Variants in COL25A1 observed in about 807,000 individuals in gnomAD.
The protein encoded by COL25A1 is collagen type XXV alpha 1 chain.
In COL25A1, 103 loss-of-function variants were observed where a neutral mutation model predicts 128.4. The observed-to-expected ratio is 0.80, with a 90% CI of 0.68 to 0.94. The LOEUF (loss-of-function observed/expected upper bound fraction) is 0.94. COL25A1 is among the 40% of genes least tolerant of loss of function. COL25A1 has a pLI of 0.00. For missense variants in COL25A1, 745 were observed against 840.0 expected, an observed-to-expected ratio of 0.89 and a Z score of 1.40; for synonymous variants, 279 against 277.2, an observed-to-expected ratio of 1.01 and a Z score of -0.06.
At chr4:108,872,078 T>C (rs139836677) in intron 19 of COL25A1, among the ~76,000 whole-genome samples, 1 of 152,348 alleles carries the variant, frequency 6.6e-6, no homozygotes, top group African/African-American at 2.4e-5. Context: ...GAAGACATTA[T>C]TTGCCTTTTT....
intron 10 of COL25A1, among the ~76,000 whole-genome samples, 156 bp from the exon 11 acceptor site, chr4:108,937,999 C>A (rs746937142): frequency 1.3e-5 from 2 of 152,046 alleles, no homozygotes; most frequent in Non-Finnish European, 2.9e-5. Flanking sequence ...AGCTAATTTC[C>A]CTTCTACAAA....
At chr4:109,260,402 A>G (rs1387372686) in intron 3 of COL25A1, among the ~76,000 whole-genome samples, 1 of 152,186 alleles carries the variant, frequency 6.6e-6, no homozygotes, top group African/African-American at 2.4e-5. Context: ...ACTCATACAA[A>G]TAACTATTAT....
Position 109,210,085 on chromosome 4 carries a change from T to C in COL25A1, c.367+90498A>G, listed in dbSNP as rs111702703. 9.0e-3 allele frequency among the ~76,000 whole-genome samples: 1,364 copies of C among 151,112 alleles called. 17 individuals carry two copies. The highest frequency in any genetic ancestry group is 0.022 in the African/African-American group (926 of 41,164). On this transcript the variant is annotated intron_variant, in intron 3 of 37. Coordinates refer to ENST00000399132, the MANE Select transcript of COL25A1 (RefSeq NM_198721.4). ...AAAAAGTAAACATCAAAATTCAGTATATGGTTCTTGTTAGGTATTAATTTC... is the reference window on the plus strand; with the variant it reads ...AAAAAGTAAACATCAAAATTCAGTACATGGTTCTTGTTAGGTATTAATTTC...
intron 13 of COL25A1, among the ~76,000 whole-genome samples, chr4:108,906,796 T>C (rs1743579421): frequency 6.6e-6 from 1 of 152,188 alleles, no homozygotes; most frequent in Non-Finnish European, 1.5e-5. Context: ...ATTTTGCTCA[T>C]TACTCTTTCA....
At chr4:109,164,728 G>T (rs905889992) in intron 3 of COL25A1, among the ~76,000 whole-genome samples, 3 of 152,040 alleles carry the variant, frequency 2.0e-5, no homozygotes, top group African/African-American at 7.2e-5. Context: ...TTTATCAACT[G>T]GTTCTTCTAT....
rs1417344664 is a variant in COL25A1, at chr4:108,811,879, T to C, written c.*2048A>G. ...TTTGTATGACTGTCATTTGGTTACA[T>C]AACATAAATGAGATCATGAGGATTT... On this transcript the variant is annotated 3_prime_UTR_variant, in exon 38 of 38. Transcript: ENST00000399132. 6.6e-6 allele frequency: 1 copy of C among 152,202 alleles called. No homozygotes were observed. The highest frequency in any genetic ancestry group is 2.4e-5 in the African/African-American group (1 of 41,454). The allele number at this position is 152,202 out of a possible 1,614,324, so 9.4% of individuals were successfully genotyped here.
chr4:109,058,804 T>C (rs1228073869), intron 3 of COL25A1, among the ~76,000 whole-genome samples: 1 of 152,182 alleles, frequency 6.6e-6, no homozygotes, highest in African/African-American at 2.4e-5. Flanking sequence ...GCTAAATTAA[T>C]CATTTAGCAT....
At chr4:108,833,583 T>C (rs909282678) in intron 31 of COL25A1, among the ~76,000 whole-genome samples, 8 of 152,232 alleles carry the variant, frequency 5.3e-5, no homozygotes, top group African/African-American at 1.9e-4. Flanking sequence ...AAATTGATTA[T>C]AATATTTGCA....
intron 3 of COL25A1, among the ~76,000 whole-genome samples, chr4:109,063,166 G>C (rs1412403548): frequency 6.6e-6 from 1 of 152,186 alleles, no homozygotes; most frequent in Non-Finnish European, 1.5e-5. Context: ...TCAGAGAAAA[G>C]TGTTGAGAAA....
intron 5 of COL25A1, among the ~76,000 whole-genome samples, chr4:109,046,057 C>T (rs972886389): frequency 5.3e-5 from 8 of 152,104 alleles, no homozygotes; most frequent in African/African-American, 1.9e-4. Context: ...TAAACTGAAT[C>T]GATTTGAAAT....
chr4:108,901,315 C>G, intron 13 of COL25A1, 143 bp from the exon 14 acceptor site: 1 of 649,214 alleles, frequency 1.5e-6, no homozygotes, highest in Non-Finnish European at 2.7e-6. Context: ...AAGTTAGCTT[C>G]CATGGTCCAA....
chr4:108,914,671 T>G (rs1193717365), intron 13 of COL25A1, among the ~76,000 whole-genome samples: 1 of 149,252 alleles, frequency 6.7e-6, no homozygotes, highest in Non-Finnish European at 1.5e-5. Flanking sequence ...TTTTTTTTTT[T>G]TTTGAGACAG....
chr4:108,911,757 T>C (rs1313847215), intron 13 of COL25A1, among the ~76,000 whole-genome samples: 1 of 151,854 alleles, frequency 6.6e-6, no homozygotes, highest in Non-Finnish European at 1.5e-5. Context: ...TAGAAAATAG[T>C]GGATTTCATG....
At chr4:109,234,716 A>G (rs1259543635) in intron 3 of COL25A1, among the ~76,000 whole-genome samples, 1 of 152,046 alleles carries the variant, frequency 6.6e-6, no homozygotes, top group Non-Finnish European at 1.5e-5. Flanking sequence ...ATTTTCCAGA[A>G]CTCTGGAAAT....
chr4:109,063,041 G>T (rs531750200), intron 3 of COL25A1, among the ~76,000 whole-genome samples: 10 of 152,296 alleles, frequency 6.6e-5, no homozygotes, highest in African/African-American at 2.4e-4. Context: ...AAGGCCTCAT[G>T]AATTTGTGAG....
At chr4:108,958,834 T>C (rs1750353880) in intron 8 of COL25A1, among the ~76,000 whole-genome samples, 1 of 152,100 alleles carries the variant, frequency 6.6e-6, no homozygotes, top group South Asian at 2.1e-4. Context: ...TAAACTATAC[T>C]AATTTTAATC....
chr4:109,075,458 G>A (rs926807884), intron 3 of COL25A1, among the ~76,000 whole-genome samples: 1 of 151,936 alleles, frequency 6.6e-6, no homozygotes, highest in Non-Finnish European at 1.5e-5. Context: ...TTTGAAGGGG[G>A]AAATGATCAT....
In COL25A1 at chr4:109,083,448, A is replaced by AAATT. The variant is rs377354398; in HGVS notation, c.368-33270_368-33269insAATT. On this transcript the variant is annotated intron_variant, in intron 3 of 37. Coordinates refer to ENST00000399132, the MANE Select transcript of COL25A1 (RefSeq NM_198721.4). ...CACCAATAACTTTTACACTAAATAA[A>AAATT]TTTTTTTTTTTTTTTTTTTTTTTTT... 3.2e-3 allele frequency among the ~76,000 whole-genome samples: 244 copies of AAATT among 77,110 alleles called. 4 individuals are homozygous for AAATT. The highest frequency in any genetic ancestry group is 7.6e-3 in the African/African-American group (158 of 20,880). The allele number at this position is 77,110 out of a possible 152,430, so 50.6% of individuals were successfully genotyped here. A position where few individuals can be genotyped will look rare whatever the true frequency, so the allele number is the denominator to read the frequency against.
chr4:108,833,025 A>G (rs1030033244), intron 31 of COL25A1, among the ~76,000 whole-genome samples: 1 of 138,680 alleles, frequency 7.2e-6, no homozygotes, highest in African/African-American at 2.7e-5. Context: ...TTGCCCCATA[A>G]TCTTAAGAAG....
Sources: allele counts gnomAD v4.1 joint callset (sites outside exome capture counted in the v4.1 genomes callset), GRCh38; gene constraint gnomAD v4.1.1; transcripts MANE v1.5; gene names NCBI Gene and HGNC (gene_info 2026-07-23, HGNC 2026-07-21).